Variants in BTAF1 observed in about 807,000 individuals in gnomAD.
BTAF1 encodes the protein TATA-binding protein-associated factor 172.
BTAF1 carries 38 observed loss-of-function variants against 227.1 expected under a neutral mutation model. The observed-to-expected ratio is 0.17, with a 90% CI of 0.13 to 0.22. The LOEUF (loss-of-function observed/expected upper bound fraction) is 0.22. BTAF1 is among the 10% of genes least tolerant of loss of function. The pLI is 1.00. For synonymous variants in BTAF1, 742 were observed against 751.9 expected (o/e 0.99, Z 0.21); for missense variants, 1,598 against 2,204.0 (o/e 0.73, Z 5.51).
In BTAF1 at chr10:91,976,407, CT is replaced by C. The variant is rs994954052; in HGVS notation, c.1651-4046del. On this transcript the variant is annotated intron_variant, in intron 14 of 37. Coordinates refer to ENST00000265990, the MANE Select transcript of BTAF1 (RefSeq NM_003972.3). ...AGGTGATTAACTTAATCTCCAACCC[CT>C]CTAGCTCTGGAGGTGGGGAGCAGGA... Among the ~76,000 whole-genome samples the C allele has an allele frequency of 2.6e-5, 4 of 152,182 alleles. No homozygotes were observed. The East Asian group carries it at 7.7e-4, about 29-fold the overall frequency.
chr10:92,028,447 C>CATG (rs1851673799), intron 37 of BTAF1, among the ~76,000 whole-genome samples: 1 of 152,120 alleles, frequency 6.6e-6, no homozygotes, highest in African/African-American at 2.4e-5. Context: ...GATAAAAGGA[C>CATG]ATGATGTCTA....
intron 2 of BTAF1, 30 bp from the exon 3 acceptor site, chr10:91,939,922 A>C: frequency 1.3e-5 from 19 of 1,411,488 alleles, no homozygotes; most frequent in Middle Eastern, 1.8e-4. Context: ...ATATTTTTGT[A>C]TACGTAACTT....
intron 14 of BTAF1, among the ~76,000 whole-genome samples, chr10:91,976,077 G>T (rs1461781637): frequency 6.6e-6 from 1 of 152,112 alleles, no homozygotes; most frequent in African/African-American, 2.4e-5. Context: ...CTGTAAACTG[G>T]GTTCCCCTGA....
chr10:91,924,782 A>C (rs1015553647), intron 1 of BTAF1, among the ~76,000 whole-genome samples: 2 of 152,202 alleles, frequency 1.3e-5, no homozygotes, highest in Admixed American at 1.3e-4. Context: ...GTATAGCTAT[A>C]GGAGAAACAT....
At chr10:91,969,846 C>T (rs1055431803) in intron 14 of BTAF1, among the ~76,000 whole-genome samples, 12 of 151,798 alleles carry the variant, frequency 7.9e-5, no homozygotes, top group Non-Finnish European at 1.2e-4. Context: ...TGCCTGTAAT[C>T]GTAGCTACTC....
rs546489060 is a variant in BTAF1 at position 91,976,013 on chromosome 10, G to A, written c.1651-4441G>A. Reference sequence around the variant, plus strand: ...CTCCCACAAGTTAGAGAGCTCAGTCGCACAACAGATAGCAGTTGCAAGTGT... The same window carrying A: ...CTCCCACAAGTTAGAGAGCTCAGTCACACAACAGATAGCAGTTGCAAGTGT... On this transcript the variant is annotated intron_variant, in intron 14 of 37. Transcript: ENST00000265990. 4.6e-5 allele frequency among the ~76,000 whole-genome samples: 7 copies of A among 152,284 alleles called. No homozygotes were observed. In the East Asian group the frequency reaches 7.7e-4, roughly 17 times the overall value.
intron 34 of BTAF1, among the ~76,000 whole-genome samples, chr10:92,022,927 AG>A (rs1200318269): frequency 2.0e-5 from 3 of 152,166 alleles, no homozygotes; most frequent in Admixed American, 1.3e-4. Flanking sequence ...TCAAACTTTA[AG>A]GGCTGTTAGG....
At chr10:91,951,705 T>A in intron 5 of BTAF1, 139 bp downstream of exon 5, 1 of 875,200 alleles carries the variant, frequency 1.1e-6, no homozygotes. Context: ...ATTTAGCATC[T>A]TTTTTTAACT....
At position 91,996,535 on chromosome 10, in the gene BTAF1, G is replaced by C. The variant is rs760508898; in HGVS notation, c.3476G>C (p.Ser1159Thr). 6.2e-7 allele frequency: 1 copy of C among 1,614,166 alleles called. No individual in the cohort carries two copies. The highest frequency in any genetic ancestry group is 1.1e-5 in the South Asian group (1 of 91,080). Reference sequence around the variant, plus strand: ...CCGTGGCTGGGAGCAATTGATGACAGTGTCAAACAAGAGGGTGCAATTGAA... The same window carrying C: ...CCGTGGCTGGGAGCAATTGATGACACTGTCAAACAAGAGGGTGCAATTGAA... ...VLPWLGAIDD[S>T]VKQEGAIEAL... Residue 1159 changes from serine (S) to threonine (T), a missense_variant, in exon 24 of 38, where the codon AGT becomes ACT. This residue lies in a region of BTAF1 where 425 missense variants were observed against 491.2 expected (regional missense o/e 0.87). Coordinates refer to ENST00000265990, the MANE Select transcript of BTAF1 (RefSeq NM_003972.3).
intron 19 of BTAF1, among the ~76,000 whole-genome samples, chr10:91,985,583 A>G (rs1478783132): frequency 2.0e-5 from 3 of 152,132 alleles, no homozygotes; most frequent in Non-Finnish European, 2.9e-5. Flanking sequence ...AAGAGATTGT[A>G]TCATTTTACC....
intron 20 of BTAF1, among the ~76,000 whole-genome samples, chr10:91,991,797 G>GTGTATATATA (rs1554860529): frequency 1.7e-3 from 17 of 10,004 alleles, no homozygotes; most frequent in African/African-American, 2.9e-3. Flanking sequence ...GTGTGTGTGT[G>GTGTATATATA]TATATATATA....
At chr10:91,958,658 G>A (rs1367837752) in intron 8 of BTAF1, among the ~76,000 whole-genome samples, 2 of 152,116 alleles carry the variant, frequency 1.3e-5, no homozygotes, top group African/African-American at 4.8e-5. Context: ...AGCCAAGATT[G>A]CACCACTGCC....
chr10:91,943,336 G>A (rs1035083589), intron 4 of BTAF1, among the ~76,000 whole-genome samples: 6 of 151,936 alleles, frequency 3.9e-5, no homozygotes, highest in South Asian at 2.1e-4. Context: ...AAAAAATACC[G>A]GATAGGTATT....
chr10:91,956,918 A>G (rs1363104575), intron 7 of BTAF1, among the ~76,000 whole-genome samples: 1 of 151,988 alleles, frequency 6.6e-6, no homozygotes, highest in Non-Finnish European at 1.5e-5. Flanking sequence ...TGAACCCGGG[A>G]GGCCGAGGTT....
chr10:91,957,079 AAT>A (rs1846154874), intron 7 of BTAF1, 144 bp from the exon 8 acceptor site: 2 of 524,634 alleles, frequency 3.8e-6, no homozygotes, highest in Admixed American at 3.2e-5. Context: ...TATCAGTAAA[AAT>A]ATATCTTAAT....
At chr10:91,991,271 A>AATATATATATAT (rs3980612) in intron 20 of BTAF1, among the ~76,000 whole-genome samples, 1 of 66,232 alleles carries the variant, frequency 1.5e-5, no homozygotes, top group Non-Finnish European at 3.7e-5. Context: ...TATAAATATA[A>AATATATATATAT]ATATATATAT....
intron 4 of BTAF1, among the ~76,000 whole-genome samples, chr10:91,946,358 T>TA (rs1297812812): frequency 2.0e-5 from 3 of 151,960 alleles, no homozygotes; most frequent in Non-Finnish European, 2.9e-5. Context: ...AAACTCTGTC[T>TA]AAAAAAAAGA....
chr10:91,951,391 T>C lies in BTAF1; in HGVS notation c.401-12T>C. On this transcript the variant is annotated splice_polypyrimidine_tract_variant and intron_variant, in intron 4 of 37. Transcript: ENST00000265990. The stretch of plus-strand genomic sequence containing the variant: ...CTGATTTGGAGAAAACGTATTTCTT[T>C]TCTGTTGAAAGGTGAAGTGGATCCT... The C allele has an allele frequency of 6.2e-7, 1 of 1,601,474 alleles. No individual in the cohort carries two copies. The highest frequency in any genetic ancestry group is 1.3e-5 in the African/African-American group (1 of 74,160).
Position 91,964,118 on chromosome 10 carries a change from A to G in BTAF1, c.1446A>G (p.Glu482=). ...IINTLWDALL[E]LDDLTASTNS... is the part of the protein sequence containing the mutation. ...ATACATTGTGGGATGCTCTTCTGGAATTAGATGATCTAACAGCTTCAACAA... is the reference window on the plus strand; with the variant it reads ...ATACATTGTGGGATGCTCTTCTGGAGTTAGATGATCTAACAGCTTCAACAA... Residue 482 remains glutamate (E), a synonymous_variant, in exon 13 of 38, where the codon GAA becomes GAG. Transcript: ENST00000265990. 1 of 1,613,482 alleles carries G rather than the reference A, an allele frequency of 6.2e-7. No homozygotes were observed. The highest frequency in any genetic ancestry group is 8.5e-7 in the Non-Finnish European group (1 of 1,179,664).
Sources: allele counts gnomAD v4.1 joint callset (sites outside exome capture counted in the v4.1 genomes callset), GRCh38; gene constraint gnomAD v4.1.1; regional missense constraint gnomAD v4.1.1; transcripts MANE v1.5; gene names NCBI Gene and HGNC (gene_info 2026-07-23, HGNC 2026-07-21).